The following KIRREL3 variants were observed in gnomAD, a reference collection of about 807,000 sequenced individuals.
The protein encoded by KIRREL3 is kin of IRRE-like protein 3.
A neutral mutation model predicts 89.7 loss-of-function variants in KIRREL3; 36 were observed. The ratio of observed to expected loss-of-function variants is 0.40; its 90% CI spans 0.31 to 0.53. The LOEUF (loss-of-function observed/expected upper bound fraction) is 0.53, where lower values mean the gene tolerates loss of function less well. KIRREL3 is among the 20% of genes least tolerant of loss of function. The pLI is 0.49. For missense variants in KIRREL3, 864 were observed against 1,056.6 expected (o/e 0.82, Z 2.53); for synonymous variants, 445 against 441.4 (o/e 1.01, Z -0.10).
In KIRREL3 at chr11:126,574,010, T is replaced by C. The variant is rs141235953; in HGVS notation, c.56-11098A>G. Among the ~76,000 whole-genome samples the C allele has an allele frequency of 3.7e-4, 56 of 152,224 alleles. No individual in the cohort carries two copies. The highest frequency in any genetic ancestry group is 1.2e-3 in the African/African-American group (50 of 41,538). ...GATACTTTATGGAAAGTCCACACAT[T>C]CCAGAAAGCTCCATGGAAGCCCCTT... On this transcript the variant is annotated intron_variant, in intron 1 of 16. Transcript: ENST00000525144. This position sits in a 1 kb window ranked among gnomAD's most constrained non-coding sequence, Gnocchi z 5.3.
Position 126,835,828 on chromosome 11 carries a change from G to A in KIRREL3, c.55+164627C>T, listed in dbSNP as rs146210091. 1.6e-3 allele frequency among the ~76,000 whole-genome samples: 240 copies of A among 152,270 alleles called. 1 individual carries two copies. The highest frequency in any genetic ancestry group is 5.4e-3 in the African/African-American group (223 of 41,550). On this transcript the variant is annotated intron_variant, in intron 1 of 16. Coordinates refer to ENST00000525144, the MANE Select transcript of KIRREL3 (RefSeq NM_032531.4). ...TCACACTTGGATAGTCTAGTAATGCGATTTAGGGTGGGGGCTTTGGCTCTC... is the reference window on the plus strand; with the variant it reads ...TCACACTTGGATAGTCTAGTAATGCAATTTAGGGTGGGGGCTTTGGCTCTC...
chr11:126,430,045 A>G lies in KIRREL3; in HGVS notation c.1697-757T>C, dbSNP rs1357652246. ...AGCTACTCGGGAGGCTGAGCATGAG[A>G]CTCGCTTGAATGAACCCGGGAGGCA... On this transcript the variant is annotated intron_variant, in intron 14 of 16. Transcript: ENST00000525144. This position sits in a 1 kb window ranked among gnomAD's most constrained non-coding sequence, Gnocchi z 6.6. Among the ~76,000 whole-genome samples the G allele has an allele frequency of 1.3e-5, 2 of 151,626 alleles. No homozygotes were observed. Among genetic ancestry groups the G allele is most frequent in the Non-Finnish European group, 1.5e-5 (1 of 67,988 alleles).
At chr11:126,673,830 T>A (rs1015838660) in intron 1 of KIRREL3, among the ~76,000 whole-genome samples, 1 of 152,236 alleles carries the variant, frequency 6.6e-6, no homozygotes, top group Non-Finnish European at 1.5e-5. Context: ...CCGGGATGGA[T>A]GTTCCTCCCT....
Position 126,876,440 on chromosome 11 carries a change from T to C in KIRREL3, c.55+124015A>G, listed in dbSNP as rs1945288408. On this transcript the variant is annotated intron_variant, in intron 1 of 16. Transcript: ENST00000525144. The surrounding 1 kb of genome is among the most constrained non-coding windows in gnomAD (Gnocchi z 4.1). ...CACACCCAGGGAGAAAGAAGCCACA[T>C]AGCTGGCAAGTGGGGACACACTGTG... is the stretch of plus-strand genomic sequence containing the variant. Among the ~76,000 whole-genome samples the C allele has an allele frequency of 6.6e-6, 1 of 152,094 alleles. No individual in the cohort carries two copies. The highest frequency in any genetic ancestry group is 1.9e-4 in the East Asian group (1 of 5,194).
chr11:126,546,870 G>A (rs1384120901), intron 2 of KIRREL3, among the ~76,000 whole-genome samples: 1 of 152,150 alleles, frequency 6.6e-6, no homozygotes, highest in African/African-American at 2.4e-5. Flanking sequence ...AGCATCATGA[G>A]TATACCCATT....
Position 126,550,529 on chromosome 11 carries a change from T to G in KIRREL3, c.133+12306A>C, listed in dbSNP as rs1237523766. 6.6e-6 allele frequency: 1 copy of G among 152,172 alleles called. No individual in the cohort carries two copies. Among genetic ancestry groups the G allele is most frequent in the Non-Finnish European group, 1.5e-5 (1 of 68,078 alleles). The allele number at this position is 152,172 out of a possible 1,614,324, so 9.4% of individuals were successfully genotyped here. A position where few individuals can be genotyped will look rare whatever the true frequency, so the allele number is the denominator to read the frequency against. The stretch of plus-strand genomic sequence containing the variant: ...CAAGTGAGGTGGTGGGTGCCTGTAA[T>G]CCCAGCTACTCAGGAGGCTGAGGCA... On this transcript the variant is annotated intron_variant, in intron 2 of 16. Transcript: ENST00000525144. The surrounding 1 kb of genome is among the most constrained non-coding windows in gnomAD (Gnocchi z 4.9).
chr11:126,603,317 G>A (rs141779902), intron 1 of KIRREL3, among the ~76,000 whole-genome samples: 7 of 152,312 alleles, frequency 4.6e-5, no homozygotes, highest in East Asian at 1.9e-4. Flanking sequence ...ACAGCAACTC[G>A]TTTGGGGAGA....
rs1238021139 is a variant in KIRREL3 at position 126,995,157 on chromosome 11, T to A, written c.55+5298A>T. Reference sequence around the variant, plus strand: ...TCCCTTACGAATAGCTGTGATGGGATATGAAATCCAAGGGAACTGTTAGCC... The same window carrying A: ...TCCCTTACGAATAGCTGTGATGGGAAATGAAATCCAAGGGAACTGTTAGCC... On this transcript the variant is annotated intron_variant, in intron 1 of 16. Transcript: ENST00000525144. This position sits in a 1 kb window ranked among gnomAD's most constrained non-coding sequence, Gnocchi z 6.5. The A allele has an allele frequency of 2.2e-6, 1 of 455,816 alleles. No individual in the cohort carries two copies. The allele number at this position is 455,816 out of a possible 1,614,324, so 28.2% of individuals were successfully genotyped here.
At chr11:126,540,080 T>C (rs1480355473) in intron 2 of KIRREL3, among the ~76,000 whole-genome samples, 2 of 152,104 alleles carry the variant, frequency 1.3e-5, no homozygotes, top group African/African-American at 4.8e-5. Flanking sequence ...ATTGGAAATA[T>C]AAACAGAGAA....
rs1944018189 is a variant in KIRREL3, at chr11:126,843,060, A to G, written c.55+157395T>C. 1.3e-5 allele frequency among the ~76,000 whole-genome samples: 2 copies of G among 152,092 alleles called. No individual in the cohort carries two copies. Among genetic ancestry groups the G allele is most frequent in the Non-Finnish European group, 2.9e-5 (2 of 68,018 alleles). The stretch of plus-strand genomic sequence containing the variant: ...TCCCTGCCTAACTGAACACAATCCA[A>G]AGTCAAACTGAGGGGCTGGCTCACA... On this transcript the variant is annotated intron_variant, in intron 1 of 16. Coordinates refer to ENST00000525144, the MANE Select transcript of KIRREL3 (RefSeq NM_032531.4). The surrounding 1 kb of genome is among the most constrained non-coding windows in gnomAD (Gnocchi z 4.6).
At chr11:126,934,722 C>G (rs1362719728) in intron 1 of KIRREL3, among the ~76,000 whole-genome samples, 4 of 152,102 alleles carry the variant, frequency 2.6e-5, no homozygotes, top group African/African-American at 9.7e-5. Context: ...ATACAAAGAA[C>G]TCTTAAAACT....
Position 126,569,772 on chromosome 11 carries a change from T to A in KIRREL3, c.56-6860A>T, listed in dbSNP as rs926911301. Among the ~76,000 whole-genome samples the A allele has an allele frequency of 8.5e-5, 13 of 152,262 alleles. No homozygotes were observed. The highest frequency in any genetic ancestry group is 3.1e-4 in the African/African-American group (13 of 41,546). On this transcript the variant is annotated intron_variant, in intron 1 of 16. Coordinates refer to ENST00000525144, the MANE Select transcript of KIRREL3 (RefSeq NM_032531.4). The surrounding 1 kb of genome is among the most constrained non-coding windows in gnomAD (Gnocchi z 6.5). ...GCAAAAGGCCTTGAAAGCTGGAGAT[T>A]GTCCCTAGTTTTGTCTTAGTTTTGG...
In KIRREL3 at chr11:126,615,869, G is replaced by C. The variant is rs2134817051; in HGVS notation, c.56-52957C>G. On this transcript the variant is annotated intron_variant, in intron 1 of 16. Coordinates refer to ENST00000525144, the MANE Select transcript of KIRREL3 (RefSeq NM_032531.4). This position sits in a 1 kb window ranked among gnomAD's most constrained non-coding sequence, Gnocchi z 5.4. ...TTGCGGCCTCCTCTGCCACTTGCCT[G>C]CATTAAGCCTTTTGGTCATATGTCT... Among the ~76,000 whole-genome samples, 1 of 152,308 alleles carries C rather than the reference G, an allele frequency of 6.6e-6. No homozygotes were observed. Among genetic ancestry groups the C allele is most frequent in the East Asian group, 1.9e-4 (1 of 5,170 alleles).
intron 1 of KIRREL3, among the ~76,000 whole-genome samples, chr11:126,794,007 A>G (rs181531531): frequency 1.9e-3 from 283 of 152,326 alleles, no homozygotes; most frequent in Non-Finnish European, 3.2e-3. Context: ...AGACTGAGAG[A>G]TAATTTGACT....
chr11:126,593,537 G>A (rs1257696431), intron 1 of KIRREL3, among the ~76,000 whole-genome samples: 1 of 152,170 alleles, frequency 6.6e-6, no homozygotes, highest in African/African-American at 2.4e-5. Flanking sequence ...ATGAACACCC[G>A]GCTGGACCTG....
intron 1 of KIRREL3, among the ~76,000 whole-genome samples, chr11:126,859,684 G>A (rs1257841215): frequency 6.6e-6 from 1 of 152,160 alleles, no homozygotes; most frequent in African/African-American, 2.4e-5. Context: ...ACCTCAACTG[G>A]GGAAGGAACA....
Position 126,755,396 on chromosome 11 carries a change from G to T in KIRREL3, c.56-192484C>A, listed in dbSNP as rs1053654342. 2.0e-4 allele frequency among the ~76,000 whole-genome samples: 31 copies of T among 152,114 alleles called. No homozygotes were observed. The highest frequency in any genetic ancestry group is 3.2e-4 in the Non-Finnish European group (22 of 68,026). ...AAAGATAGGGAACATGACAGGAAAAGAACCCAGCTTCATGAAGAAATTCTA... is the reference window on the plus strand; with the variant it reads ...AAAGATAGGGAACATGACAGGAAAATAACCCAGCTTCATGAAGAAATTCTA... On this transcript the variant is annotated intron_variant, in intron 1 of 16. Coordinates refer to ENST00000525144, the MANE Select transcript of KIRREL3 (RefSeq NM_032531.4). The surrounding 1 kb of genome is among the most constrained non-coding windows in gnomAD (Gnocchi z 4.3).
In KIRREL3 at chr11:126,531,230, A is replaced by C. The variant is rs921926793; in HGVS notation, c.134-4543T>G. Reference sequence around the variant, plus strand: ...TCTCTATTCCCACTGCTAGCACCCAAGTTCAAGCTCTCGTTGCCTCAACCT... The same window carrying C: ...TCTCTATTCCCACTGCTAGCACCCACGTTCAAGCTCTCGTTGCCTCAACCT... On this transcript the variant is annotated intron_variant, in intron 2 of 16. Coordinates refer to ENST00000525144, the MANE Select transcript of KIRREL3 (RefSeq NM_032531.4). The surrounding 1 kb of genome is among the most constrained non-coding windows in gnomAD (Gnocchi z 4.7). Among the ~76,000 whole-genome samples, 4 of 152,090 alleles carry C rather than the reference A, an allele frequency of 2.6e-5. No homozygotes were observed. In the South Asian group the frequency reaches 8.3e-4, roughly 32 times the overall value.
In KIRREL3 at chr11:126,778,747, T is replaced by C. The variant is rs1950240432; in HGVS notation, c.56-215835A>G. ...CAGAGAGTGCTATGTTAGCTCTTTG[T>C]GAACAAAAGCTATCATGCAGGGCCC... On this transcript the variant is annotated intron_variant, in intron 1 of 16. Coordinates refer to ENST00000525144, the MANE Select transcript of KIRREL3 (RefSeq NM_032531.4). The surrounding 1 kb of genome is among the most constrained non-coding windows in gnomAD (Gnocchi z 4.5). Among the ~76,000 whole-genome samples, 1 of 152,194 alleles carries C rather than the reference T, an allele frequency of 6.6e-6. No homozygotes were observed. The highest frequency in any genetic ancestry group is 1.5e-5 in the Non-Finnish European group (1 of 68,032).
Sources: allele counts gnomAD v4.1 joint callset (sites outside exome capture counted in the v4.1 genomes callset), GRCh38; gene constraint gnomAD v4.1.1; non-coding constraint Gnocchi (gnomAD v3.1); transcripts MANE v1.5; gene names NCBI Gene and HGNC (gene_info 2026-07-23, HGNC 2026-07-21).